The following SDK2 variants were observed in gnomAD, a reference collection of about 807,000 sequenced individuals.
SDK2 encodes the protein sidekick cell adhesion molecule 2.
SDK2 carries 105 observed loss-of-function variants against 253.9 expected under a neutral mutation model. The ratio of observed to expected loss-of-function variants is 0.41; its 90% CI spans 0.35 to 0.49. The LOEUF (loss-of-function observed/expected upper bound fraction) is 0.49. Ranked by LOEUF, SDK2 falls within the 20% of genes least tolerant of loss-of-function variation. The pLI, the probability that SDK2 is intolerant of heterozygous loss-of-function variation, is 0.06. For missense variants in SDK2, 2,608 were observed against 3,003.0 expected, an observed-to-expected ratio of 0.87 and a Z score of 3.07; for synonymous variants, 1,249 against 1,234.9, an observed-to-expected ratio of 1.01 and a Z score of -0.24.
chr17:73,372,100 G>A (rs2062738696), intron 36 of SDK2, among the ~76,000 whole-genome samples: 1 of 152,226 alleles, frequency 6.6e-6, no homozygotes, highest in African/African-American at 2.4e-5. Flanking sequence ...GCTCTTGGGT[G>A]AGGAGTGGGT....
Position 73,496,741 on chromosome 17 carries a change from T to C in SDK2, c.224+10697A>G, listed in dbSNP as rs553896041. 1.3e-5 allele frequency among the ~76,000 whole-genome samples: 2 copies of C among 152,140 alleles called. No individual in the cohort carries two copies. The highest frequency in any genetic ancestry group is 4.8e-5 in the African/African-American group (2 of 41,494). On this transcript the variant is annotated intron_variant, in intron 2 of 44. Transcript: ENST00000392650. The surrounding 1 kb of genome is among the most constrained non-coding windows in gnomAD (Gnocchi z 4.7). ...TCAACCTGTCATGCCCCTTCCAGTC[T>C]CCAATTCTTGATTCCTACTTGCCTG...
chr17:73,626,706 G>T (rs1192792048), intron 1 of SDK2, among the ~76,000 whole-genome samples: 2 of 152,208 alleles, frequency 1.3e-5, no homozygotes, highest in African/African-American at 2.4e-5. Flanking sequence ...ATGGAGGCAG[G>T]ACAGAAGAGA....
intron 1 of SDK2, among the ~76,000 whole-genome samples, chr17:73,605,851 C>T (rs372536113): frequency 1.4e-4 from 21 of 152,254 alleles, no homozygotes; most frequent in East Asian, 1.4e-3. Flanking sequence ...ACTGGCAGAT[C>T]GGTAGTCCCT....
At chr17:73,525,686 T>C (rs919627425) in intron 1 of SDK2, among the ~76,000 whole-genome samples, 4 of 151,990 alleles carry the variant, frequency 2.6e-5, no homozygotes, top group Non-Finnish European at 5.9e-5. Flanking sequence ...CAGGATCCCA[T>C]CCCTATCCTA....
intron 1 of SDK2, among the ~76,000 whole-genome samples, chr17:73,559,515 A>G (rs1162867018): frequency 6.6e-6 from 1 of 152,124 alleles, no homozygotes; most frequent in Non-Finnish European, 1.5e-5. Flanking sequence ...TGGGAAGAAC[A>G]CTGAGATAAG....
chr17:73,637,064 C>T (rs2046341319), intron 1 of SDK2, among the ~76,000 whole-genome samples: 2 of 152,196 alleles, frequency 1.3e-5, no homozygotes, highest in South Asian at 4.1e-4. Context: ...TGATCCTATA[C>T]ATACCACTTC....
At chr17:73,385,948 G>A (rs1365774414) in intron 31 of SDK2, 31 bp from the exon 32 acceptor site, 9 of 1,540,498 alleles carry the variant, frequency 5.8e-6, no homozygotes, top group Non-Finnish European at 7.9e-6. Context: ...GTGGGTTCTG[G>A]GGGCCGCAGC....
chr17:73,569,562 G>C (rs919379274), intron 1 of SDK2, among the ~76,000 whole-genome samples: 13 of 151,630 alleles, frequency 8.6e-5, no homozygotes, highest in African/African-American at 2.9e-4. Context: ...GGTGAGGGAT[G>C]GGGGTGGGGA....
intron 3 of SDK2, among the ~76,000 whole-genome samples, chr17:73,458,690 C>G (rs1268881307): frequency 2.0e-4 from 31 of 152,162 alleles, no homozygotes; most frequent in Admixed American, 2.0e-3. Flanking sequence ...GCCAAGCTCT[C>G]CTTGCATCCT....
intron 1 of SDK2, among the ~76,000 whole-genome samples, chr17:73,628,805 G>A (rs2046234407): frequency 6.6e-6 from 1 of 152,216 alleles, no homozygotes; most frequent in Admixed American, 6.5e-5. Flanking sequence ...GCACACGAGA[G>A]GAAGTGTGGC....
In SDK2 at chr17:73,639,996, C is replaced by T. The variant is rs921498029; in HGVS notation, c.64+4029G>A. Reference sequence around the variant, plus strand: ...GGACAGAAGATAAGCCCATTCTCCCCTCCTTGTTAGCTTACAGCCCGACTG... The same window carrying T: ...GGACAGAAGATAAGCCCATTCTCCCTTCCTTGTTAGCTTACAGCCCGACTG... On this transcript the variant is annotated intron_variant, in intron 1 of 44. Transcript: ENST00000392650. The surrounding 1 kb of genome is among the most constrained non-coding windows in gnomAD (Gnocchi z 4.3). 6.6e-6 allele frequency among the ~76,000 whole-genome samples: 1 copy of T among 152,210 alleles called. No individual in the cohort carries two copies. Among genetic ancestry groups the T allele is most frequent in the South Asian group, 2.1e-4 (1 of 4,828 alleles).
intron 19 of SDK2, 38 bp downstream of exon 19, chr17:73,401,908 G>GC (rs752909976): frequency 8.9e-6 from 12 of 1,355,548 alleles, no homozygotes; most frequent in Middle Eastern, 2.2e-4. Flanking sequence ...GGCCTTGGGC[G>GC]GGGGGGGGCA....
At chr17:73,408,891 C>A (rs1238710537) in intron 18 of SDK2, among the ~76,000 whole-genome samples, 2 of 152,198 alleles carry the variant, frequency 1.3e-5, no homozygotes, top group African/African-American at 4.8e-5. Flanking sequence ...GACTGGATAT[C>A]TGATGATATT....
intron 3 of SDK2, among the ~76,000 whole-genome samples, chr17:73,469,991 C>CGCGT (rs2063634574): frequency 2.0e-5 from 2 of 100,762 alleles, no homozygotes; most frequent in African/African-American, 8.7e-5. Context: ...TGCGCGCGCG[C>CGCGT]GCACACACAC....
intron 1 of SDK2, among the ~76,000 whole-genome samples, chr17:73,535,443 G>T (rs2044757949): frequency 6.6e-6 from 1 of 152,346 alleles, no homozygotes; most frequent in South Asian, 2.1e-4. Context: ...GTGAATGGCG[G>T]GGTGGGGCAT....
intron 1 of SDK2, among the ~76,000 whole-genome samples, chr17:73,588,445 G>A (rs182334634): frequency 2.6e-5 from 4 of 151,648 alleles, no homozygotes; most frequent in African/African-American, 9.7e-5. Flanking sequence ...CTTGTCTCAG[G>A]CCTGATGAAT....
At chr17:73,598,804 T>G (rs1416213951) in intron 1 of SDK2, among the ~76,000 whole-genome samples, 1 of 152,138 alleles carries the variant, frequency 6.6e-6, no homozygotes, top group Non-Finnish European at 1.5e-5. Context: ...GAAGACGTGG[T>G]CTGGCCAGGG....
chr17:73,643,519 T>C lies in SDK2; in HGVS notation c.64+506A>G, dbSNP rs941041344. Among the ~76,000 whole-genome samples the C allele has an allele frequency of 6.6e-6, 1 of 151,842 alleles. No individual in the cohort carries two copies. Among genetic ancestry groups the C allele is most frequent in the African/African-American group, 2.4e-5 (1 of 41,382 alleles). On this transcript the variant is annotated intron_variant, in intron 1 of 44. Coordinates refer to ENST00000392650, the MANE Select transcript of SDK2 (RefSeq NM_001144952.2). The surrounding 1 kb of genome is among the most constrained non-coding windows in gnomAD (Gnocchi z 6.9). ...TCCCGTACGTGGCCAAGCCGGGCAA[T>C]TGCTCTCCCCGGGCGAGCAACCCGG...
rs1478056886 is a variant in SDK2 at position 73,443,058 on chromosome 17, C to A, written c.614-2135G>T. On this transcript the variant is annotated intron_variant, in intron 5 of 44. Coordinates refer to ENST00000392650, the MANE Select transcript of SDK2 (RefSeq NM_001144952.2). The surrounding 1 kb of genome is among the most constrained non-coding windows in gnomAD (Gnocchi z 4.6). The stretch of plus-strand genomic sequence containing the variant: ...CACAACAAATCTATCCAGTTGGCCC[C>A]TTTCCAGAAGGTTCTGGAGGTAGTA... Among the ~76,000 whole-genome samples the A allele has an allele frequency of 1.3e-5, 2 of 152,132 alleles. No homozygotes were observed. Among genetic ancestry groups the A allele is most frequent in the Non-Finnish European group, 2.9e-5 (2 of 68,022 alleles).
Sources: allele counts gnomAD v4.1 joint callset (sites outside exome capture counted in the v4.1 genomes callset), GRCh38; gene constraint gnomAD v4.1.1; non-coding constraint Gnocchi (gnomAD v3.1); transcripts MANE v1.5; gene names NCBI Gene and HGNC (gene_info 2026-07-23, HGNC 2026-07-21).